DISC1: variants seen among roughly 807,000 people sequenced by gnomAD.
The protein encoded by DISC1 is DISC1 scaffold protein.
In DISC1, 57 loss-of-function variants were observed where a neutral mutation model predicts 84.5. The ratio of observed to expected loss-of-function variants is 0.67; its 90% CI spans 0.55 to 0.84. The LOEUF (loss-of-function observed/expected upper bound fraction) is 0.84. Ranked by LOEUF, DISC1 falls within the 40% of genes least tolerant of loss-of-function variation. DISC1 has a pLI of 0.00. For synonymous variants in DISC1, 411 were observed against 415.2 expected, an observed-to-expected ratio of 0.99 and a Z score of 0.12; for missense variants, 1,000 against 1,057.8, an observed-to-expected ratio of 0.95 and a Z score of 0.76.
intron 1 of DISC1, among the ~76,000 whole-genome samples, chr1:231,672,961 A>G (rs200665786): frequency 1.3e-5 from 2 of 152,118 alleles, no homozygotes; most frequent in Non-Finnish European, 2.9e-5. Flanking sequence ...CTCATGCCTA[A>G]CTAGTTTGGT....
At chr1:231,879,745 A>G (rs1279880506) in intron 9 of DISC1, among the ~76,000 whole-genome samples, 12 of 152,092 alleles carry the variant, frequency 7.9e-5, no homozygotes. Context: ...CAGGAAACAG[A>G]TGGGTGGTCT....
intron 1 of DISC1, among the ~76,000 whole-genome samples, chr1:231,663,175 C>T (rs950532719): frequency 6.6e-6 from 1 of 152,052 alleles, no homozygotes; most frequent in South Asian, 2.1e-4. Flanking sequence ...GGTGTCTACA[C>T]TAATATCATA....
chr1:231,651,398 CTGCAGAACAGCAAATAT>C (rs2060611411), intron 1 of DISC1, among the ~76,000 whole-genome samples: 2 of 152,346 alleles, frequency 1.3e-5, no homozygotes, highest in South Asian at 2.1e-4. Context: ...CCAGTGGAGG[CTGCAGAACAGCAAATAT>C]TGCAGAACAG....
At chr1:231,982,016 A>G (rs532486790) in intron 10 of DISC1, among the ~76,000 whole-genome samples, 2 of 152,340 alleles carry the variant, frequency 1.3e-5, no homozygotes, top group African/African-American at 4.8e-5. Context: ...AGTAGATTAA[A>G]AAGGAAAAGG....
chr1:231,941,940 G>T (rs2091367256), intron 9 of DISC1, among the ~76,000 whole-genome samples: 1 of 150,760 alleles, frequency 6.6e-6, no homozygotes, highest in African/African-American at 2.4e-5. Flanking sequence ...TTAAGACAAG[G>T]CTTAAAGGAT....
chr1:231,660,314 C>T (rs1194426684), intron 1 of DISC1, among the ~76,000 whole-genome samples: 3 of 151,624 alleles, frequency 2.0e-5, no homozygotes, highest in Non-Finnish European at 2.9e-5. Flanking sequence ...TTCTGTTTTC[C>T]ATTTGCTTGG....
chr1:231,989,084 C>T (rs1664849637), intron 10 of DISC1, among the ~76,000 whole-genome samples: 1 of 152,216 alleles, frequency 6.6e-6, no homozygotes, highest in Non-Finnish European at 1.5e-5. Flanking sequence ...TATCATTTTC[C>T]TTGCCTGGCT....
rs182629876 is a variant in DISC1, at chr1:231,890,247, G to A, written c.1982-68581G>A. ...AGTAATCTGTGCCTTCTATGGCTCT[G>A]ATCGTGGGTAAGCAAAAAACACAGT... On this transcript the variant is annotated intron_variant, in intron 9 of 12. Coordinates refer to ENST00000439617, the MANE Select transcript of DISC1 (RefSeq NM_018662.3). 9.9e-5 allele frequency among the ~76,000 whole-genome samples: 15 copies of A among 152,234 alleles called. 1 individual carries two copies. In the East Asian group the frequency reaches 2.7e-3, roughly 27 times the overall value.
rs531939681 is a variant in DISC1 at position 231,741,670 on chromosome 1, G to A, written c.1118-8256G>A. Among the ~76,000 whole-genome samples the A allele has an allele frequency of 5.3e-5, 8 of 152,250 alleles. No individual in the cohort carries two copies. The South Asian group carries it at 1.2e-3, about 24-fold the overall frequency. ...GCCTACCTGCAGGGTTGGCAGGACC[G>A]GAGGAGATACTGGGATCTGATGGAT... is the stretch of plus-strand genomic sequence containing the variant. On this transcript the variant is annotated intron_variant, in intron 3 of 12. Transcript: ENST00000439617.
chr1:231,803,499 T>C (rs2079444940), intron 8 of DISC1, among the ~76,000 whole-genome samples: 2 of 152,152 alleles, frequency 1.3e-5, no homozygotes, highest in African/African-American at 4.8e-5. Context: ...TCTAAAGGCT[T>C]GGCTGGGGCT....
intron 9 of DISC1, among the ~76,000 whole-genome samples, chr1:231,836,754 TC>T (rs1348389706): frequency 6.6e-6 from 1 of 152,186 alleles, no homozygotes; most frequent in Non-Finnish European, 1.5e-5. Context: ...TCAGGACAGC[TC>T]CTCTGACCAC....
At position 231,727,949 on chromosome 1, in the gene DISC1, T is replaced by TA. The variant is rs754146684; in HGVS notation, c.1118-21967dup. ...CCTGGTGACAGAGTGAGACTCTGTC[T>TA]AAAAAAAAAAGGAGGGGTAGGGGGG... On this transcript the variant is annotated intron_variant, in intron 3 of 12. Coordinates refer to ENST00000439617, the MANE Select transcript of DISC1 (RefSeq NM_018662.3). 5.6e-3 allele frequency among the ~76,000 whole-genome samples: 801 copies of TA among 144,064 alleles called. 2 individuals are homozygous for TA. Among genetic ancestry groups the TA allele is most frequent in the Non-Finnish European group, 8.9e-3 (582 of 65,364 alleles). 94.5% of individuals were successfully genotyped at this position (144,064 alleles called of 152,430 possible).
chr1:231,912,767 TTCTTTCTTTC>T (rs1379375417), intron 9 of DISC1, among the ~76,000 whole-genome samples: 2 of 142,708 alleles, frequency 1.4e-5, no homozygotes, highest in African/African-American at 5.1e-5. Context: ...CTTTCTTTCT[TTCTTTCTTTC>T]TTTCTTTCTT....
intron 9 of DISC1, among the ~76,000 whole-genome samples, chr1:231,876,296 T>A (rs1370248615): frequency 1.3e-5 from 2 of 152,216 alleles, no homozygotes; most frequent in African/African-American, 4.8e-5. Context: ...CTCCTGCTTT[T>A]GTCATGTGAT....
At chr1:231,951,096 T>C (rs1391670438) in intron 9 of DISC1, among the ~76,000 whole-genome samples, 2 of 152,250 alleles carry the variant, frequency 1.3e-5, no homozygotes, top group African/African-American at 4.8e-5. Flanking sequence ...CACAGGATGA[T>C]GTCCCAGTTC....
At chr1:232,036,251 T>C (rs745427740) in intron 12 of DISC1, among the ~76,000 whole-genome samples, 8 of 152,188 alleles carry the variant, frequency 5.3e-5, no homozygotes, top group Non-Finnish European at 8.8e-5. Flanking sequence ...CTCTCCCTAC[T>C]TATGGCAACC....
intron 10 of DISC1, among the ~76,000 whole-genome samples, chr1:231,980,041 G>A (rs780041223): frequency 6.6e-6 from 1 of 152,146 alleles, no homozygotes; most frequent in African/African-American, 2.4e-5. Context: ...ATGGTTCAAA[G>A]TCAAGTGTAT....
Position 231,767,391 on chromosome 1 carries a change from C to T in DISC1, c.1398+122C>T, listed in dbSNP as rs2076246283. 1.5e-5 allele frequency: 21 copies of T among 1,406,060 alleles called. No homozygotes were observed. In the South Asian group the frequency reaches 2.5e-4, roughly 17 times the overall value. 87.1% of individuals were successfully genotyped at this position (1,406,060 alleles called of 1,614,324 possible). On this transcript the variant is annotated intron_variant, in intron 5 of 12. Transcript: ENST00000439617. ...AATCATAGCTCATTGCAGCCTTGAGCTCCTGGGTGATTCTCCCACCTCAGC... is the reference window on the plus strand; with the variant it reads ...AATCATAGCTCATTGCAGCCTTGAGTTCCTGGGTGATTCTCCCACCTCAGC...
intron 10 of DISC1, among the ~76,000 whole-genome samples, chr1:231,987,406 C>T (rs1042301809): frequency 2.0e-5 from 3 of 152,188 alleles, no homozygotes; most frequent in Non-Finnish European, 2.9e-5. Flanking sequence ...CAGTGTTTGC[C>T]GATGGAACTT....
Sources: gnomAD v4.1 joint callset for allele counts (sites outside exome capture counted in the v4.1 genomes callset) on GRCh38, gnomAD v4.1.1 for gene constraint, MANE v1.5 for transcripts, NCBI Gene and HGNC (gene_info 2026-07-23, HGNC 2026-07-21) for gene names.